TESC: variants seen among roughly 807,000 people sequenced by gnomAD.
TESC encodes calcineurin B homologous protein 3.
In TESC, 19 loss-of-function variants were observed where a neutral mutation model predicts 31.0. The ratio of observed to expected loss-of-function variants is 0.61; its 90% CI spans 0.43 to 0.90. TESC has a LOEUF of 0.90. TESC is among the 40% of genes least tolerant of loss of function. TESC has a pLI of 0.00. For synonymous variants in TESC, 109 were observed against 114.8 expected (o/e 0.95, Z 0.32); for missense variants, 248 against 303.8 (o/e 0.82, Z 1.36).
chr12:117,066,796 C>A (rs1400575094), intron 2 of TESC, among the ~76,000 whole-genome samples: 1 of 152,132 alleles, frequency 6.6e-6, no homozygotes, highest in Non-Finnish European at 1.5e-5. Flanking sequence ...CCCTTCTCAA[C>A]CCTGTAGGAT....
At chr12:117,094,574 T>C (rs1955365411) in intron 1 of TESC, among the ~76,000 whole-genome samples, 1 of 152,120 alleles carries the variant, frequency 6.6e-6, no homozygotes, top group Non-Finnish European at 1.5e-5. Context: ...TTGACAAGTA[T>C]AACATGGTGT....
intron 2 of TESC, among the ~76,000 whole-genome samples, chr12:117,073,624 T>G (rs1472338502): frequency 6.6e-6 from 1 of 152,174 alleles, no homozygotes; most frequent in African/African-American, 2.4e-5. Context: ...CCTGGAGTAT[T>G]AGAAGGTTTG....
chr12:117,048,197 G>A (rs185152248), intron 4 of TESC, among the ~76,000 whole-genome samples: 3 of 152,278 alleles, frequency 2.0e-5, no homozygotes, highest in South Asian at 2.1e-4. Context: ...GTTTGCCCAC[G>A]GCCACACCAC....
chr12:117,071,402 A>C (rs1217259206), intron 2 of TESC, among the ~76,000 whole-genome samples: 1 of 152,046 alleles, frequency 6.6e-6, no homozygotes, highest in African/African-American at 2.4e-5. Flanking sequence ...CTGTGCTGTG[A>C]ATGTTGGGAT....
intron 2 of TESC, among the ~76,000 whole-genome samples, chr12:117,057,791 A>G (rs1463642556): frequency 6.6e-6 from 1 of 152,126 alleles, no homozygotes; most frequent in Non-Finnish European, 1.5e-5. Context: ...TTTGAGATGG[A>G]GTCTCGCTCT....
At chr12:117,065,866 A>C (rs1954871479) in intron 2 of TESC, among the ~76,000 whole-genome samples, 1 of 152,154 alleles carries the variant, frequency 6.6e-6, no homozygotes, top group South Asian at 2.1e-4. Context: ...TGGGCAACAG[A>C]GCAAAACAAC....
intron 2 of TESC, among the ~76,000 whole-genome samples, chr12:117,069,481 C>T (rs928928916): frequency 4.6e-5 from 7 of 152,238 alleles, no homozygotes; most frequent in East Asian, 3.9e-4. Context: ...TCAAGTGATC[C>T]GCCAGCCTCA....
At chr12:117,072,915 C>A (rs535921363) in intron 2 of TESC, among the ~76,000 whole-genome samples, 11 of 152,220 alleles carry the variant, frequency 7.2e-5, no homozygotes, top group Non-Finnish European at 1.6e-4. Flanking sequence ...GTAGCCAGAG[C>A]TACATGTGTG....
At chr12:117,045,849 C>T (rs1954550209) in intron 6 of TESC, among the ~76,000 whole-genome samples, 1 of 152,240 alleles carries the variant, frequency 6.6e-6, no homozygotes, top group Non-Finnish European at 1.5e-5. Context: ...TGGTCACCTG[C>T]CTGCCTGAGT....
At position 117,075,893 on chromosome 12, in the gene TESC, A is replaced by ATATGTGTG. The variant is rs1955057061; in HGVS notation, c.59-554_59-553insCACACATA. Among the ~76,000 whole-genome samples, 3 of 82,176 alleles carry ATATGTGTG rather than the reference A, an allele frequency of 3.7e-5. 1 individual carries two copies. The highest frequency in any genetic ancestry group is 2.1e-4 in the African/African-American group (3 of 14,382). The allele number at this position is 82,176 out of a possible 152,430, so 53.9% of individuals were successfully genotyped here. Reference sequence around the variant, plus strand: ...TATGTGTGTATATATATATATATATATATATATATATATATATATATGTGT... The same window carrying ATATGTGTG: ...TATGTGTGTATATATATATATATATATATGTGTGTATATATATATATATATATATGTGT... On this transcript the variant is annotated intron_variant, in intron 1 of 7. Coordinates refer to ENST00000335209, the MANE Select transcript of TESC (RefSeq NM_017899.4).
chr12:117,047,487 C>T (rs1043895017), intron 4 of TESC, among the ~76,000 whole-genome samples: 4 of 152,058 alleles, frequency 2.6e-5, no homozygotes, highest in Non-Finnish European at 5.9e-5. Flanking sequence ...TGTAGTGGCA[C>T]GATCTGGGCT....
chr12:117,078,728 TAG>T (rs1457489716), intron 1 of TESC, among the ~76,000 whole-genome samples: 3 of 152,196 alleles, frequency 2.0e-5, no homozygotes, highest in Non-Finnish European at 4.4e-5. Flanking sequence ...TTAAAAATCC[TAG>T]AGTTATTTTC....
chr12:117,066,493 T>C lies in TESC; in HGVS notation c.128+8778A>G, dbSNP rs558613896. On this transcript the variant is annotated intron_variant, in intron 2 of 7. Coordinates refer to ENST00000335209, the MANE Select transcript of TESC (RefSeq NM_017899.4). Reference sequence around the variant, plus strand: ...TTCACGCCATTCTCCTGCCTCAGCCTCCCGAGTAACTGGAACCACAGGCAC... The same window carrying C: ...TTCACGCCATTCTCCTGCCTCAGCCCCCCGAGTAACTGGAACCACAGGCAC... Among the ~76,000 whole-genome samples the C allele has an allele frequency of 4.6e-5, 7 of 151,710 alleles. No homozygotes were observed. In the South Asian group the frequency reaches 1.5e-3, roughly 32 times the overall value.
In TESC at chr12:117,049,182, T is replaced by C. The variant is rs372715773; in HGVS notation, c.210-24A>G. 1.9e-5 allele frequency: 30 copies of C among 1,613,714 alleles called. No homozygotes were observed. The African/African-American group carries it at 3.7e-4, about 20-fold the overall frequency. On this transcript the variant is annotated intron_variant, in intron 3 of 7. Coordinates refer to ENST00000335209, the MANE Select transcript of TESC (RefSeq NM_017899.4). ...TCCTACGGGAGCAACAAGGAGGGTGTTGGAAATAAATGAAGAACTGGATCT... is the reference window on the plus strand; with the variant it reads ...TCCTACGGGAGCAACAAGGAGGGTGCTGGAAATAAATGAAGAACTGGATCT...
chr12:117,078,111 A>G (rs1955098186), intron 1 of TESC, among the ~76,000 whole-genome samples: 1 of 152,216 alleles, frequency 6.6e-6, no homozygotes, highest in South Asian at 2.1e-4. Flanking sequence ...TGAATACATA[A>G]ATGTGTTCAA....
chr12:117,075,900 T>TAA (rs1565971564), intron 1 of TESC, among the ~76,000 whole-genome samples: 3 of 91,254 alleles, frequency 3.3e-5, no homozygotes, highest in Non-Finnish European at 5.9e-5. Flanking sequence ...TATATATATA[T>TAA]ATATATATAT....
chr12:117,058,428 T>G (rs1438444862), intron 2 of TESC, among the ~76,000 whole-genome samples: 2 of 151,498 alleles, frequency 1.3e-5, no homozygotes, highest in Non-Finnish European at 2.9e-5. Context: ...GGTACAGCTT[T>G]CTTTTGGGAG....
At chr12:117,078,618 A>G (rs1955104648) in intron 1 of TESC, among the ~76,000 whole-genome samples, 1 of 152,208 alleles carries the variant, frequency 6.6e-6, no homozygotes, top group Non-Finnish European at 1.5e-5. Flanking sequence ...TTGCATAGAA[A>G]TACATTCCAC....
At chr12:117,078,152 G>A (rs1304059909) in intron 1 of TESC, among the ~76,000 whole-genome samples, 1 of 152,016 alleles carries the variant, frequency 6.6e-6, no homozygotes, top group Admixed American at 6.6e-5. Context: ...CTTAAAATTC[G>A]ACTTGCCCTA....
Sources: allele counts gnomAD v4.1 joint callset (sites outside exome capture counted in the v4.1 genomes callset), GRCh38; gene constraint gnomAD v4.1.1; transcripts MANE v1.5; gene names NCBI Gene and HGNC (gene_info 2026-07-23, HGNC 2026-07-21).